The following PLAAT1 variants were observed in gnomAD, a reference collection of about 807,000 sequenced individuals.
The protein encoded by PLAAT1 is phospholipase A and acyltransferase 1.
PLAAT1 carries 13 observed loss-of-function variants against 16.4 expected under a neutral mutation model. The ratio of observed to expected loss-of-function variants is 0.79; its 90% confidence interval spans 0.52 to 1.26. PLAAT1 has a LOEUF of 1.26. Ranked by LOEUF, PLAAT1 falls within the 50% of genes most tolerant of loss-of-function variation. The pLI, the probability that PLAAT1 is intolerant of heterozygous loss-of-function variation, is 0.00. For missense variants in PLAAT1, 218 were observed against 207.8 expected (o/e 1.05, Z -0.30); for synonymous variants, 73 against 78.4 (o/e 0.93, Z 0.36).
chr3:193,255,179 A>G (rs1374490260), intron 1 of PLAAT1, among the ~76,000 whole-genome samples: 1 of 152,188 alleles, frequency 6.6e-6, no homozygotes, highest in Non-Finnish European at 1.5e-5. Flanking sequence ...GCAAGCATAT[A>G]AACCCTTTTT....
chr3:193,256,071 G>A (rs2108790015), intron 2 of PLAAT1, among the ~76,000 whole-genome samples: 1 of 152,224 alleles, frequency 6.6e-6, no homozygotes, highest in South Asian at 2.1e-4. Flanking sequence ...AACATGGCAA[G>A]GTTCAGTGTC....
At position 193,276,771 on chromosome 3, in the gene PLAAT1, G is replaced by A. The variant is rs771113074; in HGVS notation, c.*60-865G>A. 5 of 1,612,262 alleles carry A rather than the reference G, an allele frequency of 3.1e-6. No homozygotes were observed. In the African/African-American group the frequency reaches 6.7e-5, roughly 22 times the overall value. On this transcript the variant is annotated intron_variant and NMD_transcript_variant, in intron 2 of 2. Coordinates refer to the PLAAT1 transcript ENST00000416012. ...TTACCTCTACAAAGAAAGCCACACA[G>A]AATTGGGTGAGGGCTACCACCAAAA...
chr3:193,249,896 T>C (rs1389223747), intron 1 of PLAAT1, among the ~76,000 whole-genome samples: 1 of 152,048 alleles, frequency 6.6e-6, no homozygotes, highest in Non-Finnish European at 1.5e-5. Flanking sequence ...TTTTCATGCA[T>C]TGCTTTCCCT....
At position 193,241,295 on chromosome 3, in the gene PLAAT1, C is replaced by T. The variant is rs1056013460; in HGVS notation, c.-239C>T. ...CGTCGGCCCCCCGGCGTGCGGGCGTCTCAGAGCCGCGGAGGGGCCGCCGGG... is the reference window on the plus strand; with the variant it reads ...CGTCGGCCCCCCGGCGTGCGGGCGTTTCAGAGCCGCGGAGGGGCCGCCGGG... On this transcript the variant is annotated 5_prime_UTR_variant, in exon 1 of 4. Transcript: ENST00000264735. 12 of 1,230,742 alleles carry T rather than the reference C, an allele frequency of 9.8e-6. No individual in the cohort carries two copies. Among genetic ancestry groups the T allele is most frequent in the Admixed American group, 8.5e-5 (2 of 23,654 alleles). The allele number at this position is 1,230,742 out of a possible 1,614,324, so 76.2% of individuals were successfully genotyped here.
chr3:193,273,463 A>G (rs1717053990), downstream of PLAAT1, among the ~76,000 whole-genome samples: 1 of 152,222 alleles, frequency 6.6e-6, no homozygotes, highest in Non-Finnish European at 1.5e-5. Flanking sequence ...AACATTTATA[A>G]TATGATTTAC....
intron 2 of PLAAT1, among the ~76,000 whole-genome samples, chr3:193,258,446 A>G (rs1716458835): frequency 6.7e-6 from 1 of 150,108 alleles, no homozygotes; most frequent in Non-Finnish European, 1.5e-5. Flanking sequence ...ACAAAAATCC[A>G]TGCAAAATTA....
At chr3:193,280,240 A>T (rs1717424341), downstream of PLAAT1, among the ~76,000 whole-genome samples, 1 of 152,008 alleles carries the variant, frequency 6.6e-6, no homozygotes, top group Non-Finnish European at 1.5e-5. Flanking sequence ...TTTTCCATAG[A>T]GATGGGGTTT....
At chr3:193,241,054 G>C, upstream of PLAAT1, 1 of 473,446 alleles carries the variant, frequency 2.1e-6, no homozygotes, top group East Asian at 4.0e-5. Context: ...GTAGGCGCTG[G>C]AGCGCGTGCG....
upstream of PLAAT1, among the ~76,000 whole-genome samples, chr3:193,240,684 T>TGTGTGTGTGTGTGG (rs1198933933): frequency 6.9e-6 from 1 of 145,324 alleles, no homozygotes; most frequent in Non-Finnish European, 1.5e-5. Flanking sequence ...TGTGTGTGTG[T>TGTGTGTGTGTGTGG]GGTTGGAGGT....
In PLAAT1 at chr3:193,263,218, G is replaced by A; in HGVS notation, c.388G>A (p.Glu130Lys). The part of the protein sequence containing the change: ...EHFVTLLRYG[E>K]GVSEQANRAI... Reference sequence around the variant, plus strand: ...TTTTGTGACATTGCTTCGCTATGGAGAAGGAGTTTCAGAGCAGGTAAGTTT... The same window carrying A: ...TTTTGTGACATTGCTTCGCTATGGAAAAGGAGTTTCAGAGCAGGTAAGTTT... Residue 130 changes from glutamate (E) to lysine (K), a missense_variant, in exon 3 of 4, where the codon GAA becomes AAA. Transcript: ENST00000264735. 1.2e-6 allele frequency: 2 copies of A among 1,613,914 alleles called. No homozygotes were observed. Among genetic ancestry groups the A allele is most frequent in the Non-Finnish European group, 8.5e-7 (1 of 1,179,812 alleles).
intron 1 of PLAAT1, among the ~76,000 whole-genome samples, chr3:193,251,255 T>TTCCTTGAGAAATTGTAGGGCG (rs1317142232): frequency 6.6e-6 from 1 of 152,202 alleles, no homozygotes; most frequent in African/African-American, 2.4e-5. Flanking sequence ...CCAGCCTCTT[T>TTCCTTGAGAAATTGTAGGGCG]TCCTTGAGAA....
chr3:193,247,882 T>C (rs371861732), intron 1 of PLAAT1, among the ~76,000 whole-genome samples: 30 of 152,204 alleles, frequency 2.0e-4, no homozygotes, highest in African/African-American at 6.8e-4. Flanking sequence ...CCATGTGCAA[T>C]TGAGAAAAAT....
chr3:193,252,389 A>G (rs1716224835), intron 1 of PLAAT1, among the ~76,000 whole-genome samples: 1 of 152,122 alleles, frequency 6.6e-6, no homozygotes, highest in South Asian at 2.1e-4. Flanking sequence ...TATAACCTAC[A>G]TTCTAATTGT....
At position 193,263,130 on chromosome 3, in the gene PLAAT1, G is replaced by A. The variant is rs1357324738; in HGVS notation, c.300G>A (p.Lys100=). ...CTCTCCCTGTGGAAGAAATCATAAA[G>A]CGGTCAGAGTTTGTAATTGGACAGG... ...YPPLPVEEII[K]RSEFVIGQEV... is the part of the protein sequence containing the mutation. The change falls in exon 3 of 4, where the codon AAG becomes AAA. Residue 100 remains lysine, a synonymous_variant. Coordinates refer to ENST00000264735, the MANE Select transcript of PLAAT1 (RefSeq NM_020386.5). The A allele has an allele frequency of 6.2e-7, 1 of 1,614,082 alleles. No individual in the cohort carries two copies. The highest frequency in any genetic ancestry group is 8.5e-7 in the Non-Finnish European group (1 of 1,180,042).
intron 2 of PLAAT1, chr3:193,277,502 C>G (rs901536575): frequency 1.3e-5 from 2 of 152,284 alleles, no homozygotes; most frequent in African/African-American, 4.8e-5. Flanking sequence ...TTATGGCTGA[C>G]TGCGTGTGGG....
chr3:193,255,235 A>G (rs1716328794), intron 1 of PLAAT1, among the ~76,000 whole-genome samples: 2 of 152,212 alleles, frequency 1.3e-5, no homozygotes, highest in Non-Finnish European at 2.9e-5. Flanking sequence ...CTTAGTAAAC[A>G]GATATTATAT....
At position 193,242,720 on chromosome 3, in the gene PLAAT1, G is replaced by A. The variant is rs1044693625; in HGVS notation, c.-1+1187G>A. Among the ~76,000 whole-genome samples the A allele has an allele frequency of 3.9e-5, 6 of 152,102 alleles. No individual in the cohort carries two copies. In the East Asian group the frequency reaches 1.2e-3, roughly 29 times the overall value. On this transcript the variant is annotated intron_variant, in intron 1 of 3. Coordinates refer to ENST00000264735, the MANE Select transcript of PLAAT1 (RefSeq NM_020386.5). ...CCTCCTTTGTAGCGTGAGAGTGTTG[G>A]ACCAAGGATCTTTGCAGCACTGAGA...
chr3:193,256,704 G>T (rs1716389519), intron 2 of PLAAT1, among the ~76,000 whole-genome samples: 2 of 152,136 alleles, frequency 1.3e-5, no homozygotes, highest in South Asian at 4.1e-4. Context: ...ATTGATAAGG[G>T]CTAGGACCTT....
chr3:193,259,648 C>A (rs569612129), intron 2 of PLAAT1, among the ~76,000 whole-genome samples: 1 of 152,068 alleles, frequency 6.6e-6, no homozygotes, highest in African/African-American at 2.4e-5. Context: ...AAATAAAATA[C>A]CTAGGAATAC....
Sources: gnomAD v4.1 joint callset for allele counts (sites outside exome capture counted in the v4.1 genomes callset) on GRCh38, gnomAD v4.1.1 for gene constraint, MANE v1.5 for transcripts, NCBI Gene and HGNC (gene_info 2026-07-23, HGNC 2026-07-21) for gene names.